GSG1L: variants seen among roughly 807,000 people sequenced by gnomAD.
GSG1L encodes GSG1 like.
Under a neutral mutation model 42.1 loss-of-function variants are expected in GSG1L, and 24 were observed. The ratio of observed to expected loss-of-function variants is 0.57; its 90% CI spans 0.41 to 0.80. GSG1L has a LOEUF of 0.80. Ranked by LOEUF, GSG1L falls within the 30% of genes least tolerant of loss-of-function variation. The pLI is 0.00. For missense variants in GSG1L, 445 were observed against 472.2 expected (o/e 0.94, Z 0.53); for synonymous variants, 215 against 203.5 (o/e 1.06, Z -0.48).
chr16:27,959,029 CA>C (rs2085037315), intron 2 of GSG1L, among the ~76,000 whole-genome samples: 1 of 151,742 alleles, frequency 6.6e-6, no homozygotes, highest in African/African-American at 2.4e-5. Context: ...TGTGATATAA[CA>C]AAAAACATAT....
chr16:27,946,291 T>C (rs1169698848), intron 2 of GSG1L, among the ~76,000 whole-genome samples: 1 of 151,994 alleles, frequency 6.6e-6, no homozygotes, highest in Non-Finnish European at 1.5e-5. Context: ...ATGCCTGTAA[T>C]CCCAGCACTT....
chr16:27,980,492 A>G (rs756032619), intron 1 of GSG1L, among the ~76,000 whole-genome samples: 8 of 152,198 alleles, frequency 5.3e-5, no homozygotes, highest in Non-Finnish European at 1.2e-4. Flanking sequence ...TTATGCGCCT[A>G]CCAACGTGTG....
intron 2 of GSG1L, among the ~76,000 whole-genome samples, chr16:27,892,790 A>AC (rs2084144492): frequency 1.2e-4 from 1 of 8,414 alleles, no homozygotes; most frequent in Non-Finnish European, 4.2e-4. Flanking sequence ...ACTCAGTCTC[A>AC]AAAAAAAAAA....
At position 27,839,700 on chromosome 16, in the gene GSG1L, T is replaced by C. The variant is rs2083357251; in HGVS notation, c.662+5250A>G. Among the ~76,000 whole-genome samples the C allele has an allele frequency of 2.0e-5, 3 of 152,334 alleles. No homozygotes were observed. In the South Asian group the frequency reaches 6.2e-4, roughly 32 times the overall value. ...TTATCTCCAGGCTGCCTGGTGGCAA[T>C]GCTGGTTGTGCAGGAACAGATCTTC... is the stretch of plus-strand genomic sequence containing the variant. On this transcript the variant is annotated intron_variant, in intron 4 of 6. Transcript: ENST00000447459.
intron 2 of GSG1L, among the ~76,000 whole-genome samples, chr16:27,919,626 T>C (rs1202696371): frequency 2.6e-5 from 4 of 152,142 alleles, no homozygotes; most frequent in South Asian, 2.1e-4. Context: ...GCCAAGAAGA[T>C]GGAAAACTCC....
chr16:27,908,315 A>T (rs2084343530), intron 2 of GSG1L, among the ~76,000 whole-genome samples: 1 of 152,176 alleles, frequency 6.6e-6, no homozygotes, highest in Non-Finnish European at 1.5e-5. Flanking sequence ...CGAGCTGATC[A>T]CCCCACATGT....
At chr16:27,811,253 C>T (rs1210455933) in intron 5 of GSG1L, among the ~76,000 whole-genome samples, 1 of 152,140 alleles carries the variant, frequency 6.6e-6, no homozygotes, top group East Asian at 1.9e-4. Flanking sequence ...TTTGAGTACA[C>T]CTAGATCTCA....
chr16:27,825,047 C>T lies in GSG1L; in HGVS notation c.830+3742G>A, dbSNP rs558481598. ...TCTTCCTGGCCACTGCTGCCTGGCC[C>T]GAGATTGAACACCTGACCTACACCG... On this transcript the variant is annotated intron_variant, in intron 5 of 6. Coordinates refer to ENST00000447459, the MANE Select transcript of GSG1L (RefSeq NM_001109763.2). Among the ~76,000 whole-genome samples the T allele has an allele frequency of 3.1e-4, 47 of 152,200 alleles. No homozygotes were observed. In the South Asian group the frequency reaches 8.1e-3, roughly 26 times the overall value.
At chr16:27,871,255 G>T (rs905168744) in intron 3 of GSG1L, among the ~76,000 whole-genome samples, 6 of 152,156 alleles carry the variant, frequency 3.9e-5, no homozygotes, top group Admixed American at 6.5e-5. Flanking sequence ...GCACAGGCCA[G>T]CCCCCAACAG....
chr16:27,944,940 C>T (rs12921557), intron 2 of GSG1L, among the ~76,000 whole-genome samples: 1 of 150,834 alleles, frequency 6.6e-6, no homozygotes, highest in African/African-American at 2.4e-5. Context: ...AGACGGGCAT[C>T]GTGGCGTGTA....
In GSG1L at chr16:27,865,566, T is replaced by TATACAC. The variant is rs1555504851; in HGVS notation, c.550+18919_550+18920insGTGTAT. Among the ~76,000 whole-genome samples, 56 of 19,132 alleles carry TATACAC rather than the reference T, an allele frequency of 2.9e-3. 2 individuals carry two copies. Among genetic ancestry groups the TATACAC allele is most frequent in the African/African-American group, 0.025 (56 of 2,274 alleles). The allele number at this position is 19,132 out of a possible 152,430, so 12.6% of individuals were successfully genotyped here. ...ATATATATATATATATATATATATA[T>TATACAC]ATATATACACACACACATACATACA... On this transcript the variant is annotated intron_variant, in intron 3 of 6. Coordinates refer to ENST00000447459, the MANE Select transcript of GSG1L (RefSeq NM_001109763.2).
At chr16:27,810,395 A>G (rs2083017889) in intron 5 of GSG1L, among the ~76,000 whole-genome samples, 1 of 152,204 alleles carries the variant, frequency 6.6e-6, no homozygotes, top group South Asian at 2.1e-4. Flanking sequence ...ACTTGAGCCC[A>G]GGAGACAGAG....
intron 2 of GSG1L, among the ~76,000 whole-genome samples, chr16:27,960,047 A>G (rs1224018236): frequency 6.6e-6 from 1 of 152,132 alleles, no homozygotes; most frequent in Admixed American, 6.5e-5. Flanking sequence ...AGGGGACAAG[A>G]GGGTATTGGA....
intron 2 of GSG1L, among the ~76,000 whole-genome samples, chr16:27,912,983 G>T (rs565472403): frequency 6.6e-6 from 1 of 151,174 alleles, no homozygotes; most frequent in Admixed American, 6.6e-5. Flanking sequence ...TTATTTATTT[G>T]TGTGTGTGTG....
chr16:27,946,612 AGAGAGAGAG>A (rs1567529934), intron 2 of GSG1L, among the ~76,000 whole-genome samples: 150 of 12,284 alleles, frequency 0.012, 6 homozygotes, highest in African/African-American at 0.033. Flanking sequence ...AGAGAGAGAG[AGAGAGAGAG>A]AGAGAGAGAG....
At chr16:27,987,945 C>CAAAAAA (rs56395297) in intron 1 of GSG1L, among the ~76,000 whole-genome samples, 1 of 92,836 alleles carries the variant, frequency 1.1e-5, no homozygotes, top group African/African-American at 4.2e-5. Flanking sequence ...GACTCCGTCT[C>CAAAAAA]AAAAAAAAAA....
chr16:27,833,992 C>T (rs899613947), intron 4 of GSG1L, among the ~76,000 whole-genome samples: 5 of 152,014 alleles, frequency 3.3e-5, no homozygotes, highest in Admixed American at 6.6e-5. Flanking sequence ...ACTTCCAGCA[C>T]TATGTTGAAT....
At chr16:27,834,077 T>C (rs1945149998) in intron 4 of GSG1L, among the ~76,000 whole-genome samples, 1 of 152,210 alleles carries the variant, frequency 6.6e-6, no homozygotes. Context: ...AGATGTTTTA[T>C]AGATGGTCTT....
At chr16:27,898,288 G>C (rs2084214106) in intron 2 of GSG1L, among the ~76,000 whole-genome samples, 1 of 152,148 alleles carries the variant, frequency 6.6e-6, no homozygotes, top group African/African-American at 2.4e-5. Context: ...TGGGTAGTAG[G>C]AACCTGGTGG....
Sources: gnomAD v4.1 joint callset for allele counts (sites outside exome capture counted in the v4.1 genomes callset) on GRCh38, gnomAD v4.1.1 for gene constraint, MANE v1.5 for transcripts, NCBI Gene and HGNC (gene_info 2026-07-23, HGNC 2026-07-21) for gene names.